Variants in SLC6A15 observed in about 807,000 individuals in gnomAD.
SLC6A15 encodes the protein solute carrier family 6 member 15, also known as sodium-dependent neutral amino acid transporter B(0)AT2.
A neutral mutation model predicts 68.5 loss-of-function variants in SLC6A15; 33 were observed. The ratio of observed to expected loss-of-function variants is 0.48; its 90% CI spans 0.37 to 0.64. SLC6A15 has a LOEUF of 0.64. SLC6A15 is among the 30% of genes least tolerant of loss of function. SLC6A15 has a pLI of 0.00. For missense variants in SLC6A15, 747 were observed against 874.3 expected (o/e 0.85, Z 1.84); for synonymous variants, 347 against 301.0 (o/e 1.15, Z -1.58).
chr12:84,894,474 T>G (rs1488465088), intron 1 of SLC6A15, among the ~76,000 whole-genome samples: 1 of 152,074 alleles, frequency 6.6e-6, no homozygotes, highest in Admixed American at 6.6e-5. Context: ...CTTTTGCTTT[T>G]TCCATACAGA....
chr12:84,906,650 GA>G (rs1873170462), intron 1 of SLC6A15, among the ~76,000 whole-genome samples: 1 of 152,060 alleles, frequency 6.6e-6, no homozygotes, highest in Non-Finnish European at 1.5e-5. Flanking sequence ...ACTAATTTTT[GA>G]TAAAAGTACC....
intron 10 of SLC6A15, among the ~76,000 whole-genome samples, chr12:84,866,717 A>G (rs1327836580): frequency 6.6e-6 from 1 of 152,168 alleles, no homozygotes; most frequent in African/African-American, 2.4e-5. Flanking sequence ...GATAACAATA[A>G]AGAACTCAAA....
chr12:84,872,686 A>T lies in SLC6A15; in HGVS notation c.1218T>A (p.Val406=). ...CTTTCACTTTTTGAATGATGTCATA[A>T]ACTAAATGATAATCTTCTGCAGTAA... ...STVTAEDYHL[V]YDIIQKVKEE... is the part of the protein sequence containing the mutation. Residue 406 remains valine, a synonymous_variant, in exon 8 of 12, where the codon GTT becomes GTA. Coordinates refer to ENST00000266682, the MANE Select transcript of SLC6A15 (RefSeq NM_182767.6). The T allele has an allele frequency of 6.2e-7, 1 of 1,613,040 alleles. No homozygotes were observed. The highest frequency in any genetic ancestry group is 8.5e-7 in the Non-Finnish European group (1 of 1,179,560).
intron 10 of SLC6A15, among the ~76,000 whole-genome samples, chr12:84,865,007 C>A (rs758342075): frequency 6.6e-6 from 1 of 152,094 alleles, no homozygotes; most frequent in Non-Finnish European, 1.5e-5. Context: ...AAGAGAGATT[C>A]TTTAGTAAGT....
chr12:84,876,122 T>C (rs181716490), intron 6 of SLC6A15, among the ~76,000 whole-genome samples: 118 of 151,528 alleles, frequency 7.8e-4, no homozygotes, highest in African/African-American at 2.6e-3. Context: ...TCCTCGTCAC[T>C]TTTTCAAAGG....
chr12:84,875,688 AT>A, intron 6 of SLC6A15, among the ~76,000 whole-genome samples: 1 of 696 alleles, frequency 1.4e-3, no homozygotes, highest in African/African-American at 4.6e-3. Context: ...ATATATATAT[AT>A]ATATATATAT....
At chr12:84,872,983 A>T in intron 7 of SLC6A15, 104 bp downstream of exon 7, 1 of 1,382,762 alleles carries the variant, frequency 7.2e-7, no homozygotes, top group African/African-American at 1.5e-5. Flanking sequence ...GTGTCGAACT[A>T]TCACATGTAT....
rs147194848 is a variant in SLC6A15 at position 84,863,589 on chromosome 12, G to A, written c.1668C>T (p.Asp556=). The A allele has an allele frequency of 1.8e-3, 2,850 of 1,549,420 alleles. 115 individuals carry two copies. In the Admixed American group the frequency reaches 0.059, roughly 32 times the overall value. The change falls in exon 11 of 12, where the codon GAC becomes GAT. Residue 556 remains aspartate, a synonymous_variant. Transcript: ENST00000266682. The part of the protein sequence containing the change: ...FVYGIDKFME[D]LKDMLGFAPS... The stretch of plus-strand genomic sequence containing the variant: ...GAGCAAAGCCCAGCATATCTTTTAG[G>A]TCTTCCATAAACCTGAATAAAAAGA...
At chr12:84,868,022 A>G (rs1871132658) in intron 9 of SLC6A15, among the ~76,000 whole-genome samples, 1 of 152,180 alleles carries the variant, frequency 6.6e-6, no homozygotes, top group Admixed American at 6.6e-5. Context: ...TTTCTCAACC[A>G]CATTTCGGCA....
chr12:84,893,259 G>A (rs1343443286), intron 1 of SLC6A15, among the ~76,000 whole-genome samples: 4 of 152,152 alleles, frequency 2.6e-5, no homozygotes, highest in African/African-American at 9.7e-5. Context: ...GAAAGATCAG[G>A]AATGTTGGAT....
intron 1 of SLC6A15, among the ~76,000 whole-genome samples, chr12:84,906,677 G>A (rs1216535728): frequency 6.6e-6 from 1 of 152,054 alleles, no homozygotes; most frequent in Non-Finnish European, 1.5e-5. Flanking sequence ...AATTTCAATG[G>A]AGAAAAAAAT....
chr12:84,864,266 AT>A lies in SLC6A15; in HGVS notation c.1656-666del, dbSNP rs1565719086. ...ATTCCGAATTTCTAAAAAGGTCTACATATAATAACTAATTGTTATGAATTGT... is the reference window on the plus strand; with the variant it reads ...ATTCCGAATTTCTAAAAAGGTCTACAATAATAACTAATTGTTATGAATTGT... On this transcript the variant is annotated intron_variant, in intron 10 of 11. Transcript: ENST00000266682. 2.6e-5 allele frequency among the ~76,000 whole-genome samples: 4 copies of A among 151,254 alleles called. No individual in the cohort carries two copies. The East Asian group carries it at 7.7e-4, about 29-fold the overall frequency.
At chr12:84,904,378 C>A (rs1416040636) in intron 1 of SLC6A15, among the ~76,000 whole-genome samples, 1 of 152,074 alleles carries the variant, frequency 6.6e-6, no homozygotes, top group Admixed American at 6.6e-5. Context: ...CAAATGAGCC[C>A]AACCACCCCA....
At chr12:84,902,005 A>T (rs1361748673) in intron 1 of SLC6A15, among the ~76,000 whole-genome samples, 1 of 151,910 alleles carries the variant, frequency 6.6e-6, no homozygotes, top group Non-Finnish European at 1.5e-5. Flanking sequence ...CCGTATGCCA[A>T]TTAGTTTATA....
chr12:84,865,610 G>A (rs192234418), intron 10 of SLC6A15, among the ~76,000 whole-genome samples: 2 of 152,272 alleles, frequency 1.3e-5, no homozygotes, highest in East Asian at 1.9e-4. Flanking sequence ...TGTGCTCAGC[G>A]TATACATCCC....
intron 7 of SLC6A15, 110 bp from the exon 8 acceptor site, chr12:84,872,904 G>A: frequency 8.4e-7 from 1 of 1,196,506 alleles, no homozygotes; most frequent in South Asian, 1.6e-5. Flanking sequence ...CCAACACAAA[G>A]AAATGATTAA....
chr12:84,902,742 G>T (rs79777128), intron 1 of SLC6A15, among the ~76,000 whole-genome samples: 326 of 151,988 alleles, frequency 2.1e-3, no homozygotes, highest in African/African-American at 7.3e-3. Flanking sequence ...ATATAAAAAT[G>T]CCAATTTCAA....
chr12:84,904,122 C>A (rs1216426680), intron 1 of SLC6A15, among the ~76,000 whole-genome samples: 1 of 150,796 alleles, frequency 6.6e-6, no homozygotes, highest in Admixed American at 6.6e-5. Flanking sequence ...TGCTTTCCCT[C>A]TTTTGGAAGC....
In SLC6A15 at chr12:84,892,224, C is replaced by T. The variant is rs1259398418; in HGVS notation, c.-104G>A. ...ATGTTACTTGATAGGAAGTAAAGAC[C>T]GAGGATGATATCAAATAAATCCTTG... On this transcript the variant is annotated 5_prime_UTR_variant, in exon 2 of 12. Coordinates refer to ENST00000266682, the MANE Select transcript of SLC6A15 (RefSeq NM_182767.6). 6.6e-6 allele frequency: 7 copies of T among 1,055,884 alleles called. No homozygotes were observed. Among genetic ancestry groups the T allele is most frequent in the Middle Eastern group, 2.6e-4 (1 of 3,878 alleles). The allele number at this position is 1,055,884 out of a possible 1,614,324, so 65.4% of individuals were successfully genotyped here. A position where few individuals can be genotyped will look rare whatever the true frequency, so the allele number is the denominator to read the frequency against.
Sources: gnomAD v4.1 joint callset for allele counts (sites outside exome capture counted in the v4.1 genomes callset) on GRCh38, gnomAD v4.1.1 for gene constraint, MANE v1.5 for transcripts, NCBI Gene and HGNC (gene_info 2026-07-23, HGNC 2026-07-21) for gene names.